The following BRD1 variants were observed in gnomAD, a reference collection of about 807,000 sequenced individuals.
BRD1 encodes the protein bromodomain containing 1, also known as bromodomain-containing protein 1.
Under a neutral mutation model 107.7 loss-of-function variants are expected in BRD1, and 24 were observed. The ratio of observed to expected loss-of-function variants is 0.22; its 90% CI spans 0.16 to 0.31. BRD1 has a LOEUF of 0.31. Among genes scored for constraint, BRD1 ranks in the 10% least tolerant of loss-of-function variants. The pLI is 1.00. For synonymous variants in BRD1, 744 were observed against 686.1 expected, an observed-to-expected ratio of 1.08 and a Z score of -1.32; for missense variants, 1,279 against 1,638.6, an observed-to-expected ratio of 0.78 and a Z score of 3.79.
chr22:49,815,542 CAAAAA>C, intron 2 of BRD1, among the ~76,000 whole-genome samples: 1 of 131,868 alleles, frequency 7.6e-6, no homozygotes, highest in Middle Eastern at 3.7e-3. Context: ...GACTCCATCT[CAAAAA>C]GAAGAAAAAA....
chr22:49,813,061 A>T (rs1489659122), intron 2 of BRD1, among the ~76,000 whole-genome samples: 1 of 152,096 alleles, frequency 6.6e-6, no homozygotes, highest in African/African-American at 2.4e-5. Context: ...GCCTGACCCA[A>T]CCTCACACCA....
intron 8 of BRD1, 80 bp downstream of exon 8, chr22:49,787,310 C>CA (rs1200304763): frequency 1.8e-6 from 2 of 1,138,882 alleles, no homozygotes; most frequent in South Asian, 1.5e-5. Context: ...CCCCCCCCCC[C>CA]CCGTCACACC....
intron 3 of BRD1, 152 bp from the exon 4 acceptor site, chr22:49,799,271 G>A (rs183617839): frequency 0.013 from 12,419 of 975,528 alleles, 268 homozygotes; most frequent in South Asian, 0.064. Flanking sequence ...TCACTAGAGA[G>A]CCCCAGGACA....
rs997813140 is a variant in BRD1 at position 49,792,492 on chromosome 22, C to A, written c.2359+1542G>T. On this transcript the variant is annotated intron_variant, in intron 7 of 12. Coordinates refer to ENST00000404760, the MANE Select transcript of BRD1 (RefSeq NM_001304808.3). The surrounding 1 kb of genome is among the most constrained non-coding windows in gnomAD (Gnocchi z 4.2). ...TATGGCTGCCAGAGGGTCCTGTAGG[C>A]AAACGTTCCTCAGAAAAAACACGAG... Among the ~76,000 whole-genome samples, 1 of 152,212 alleles carries A rather than the reference C, an allele frequency of 6.6e-6. No homozygotes were observed. The highest frequency in any genetic ancestry group is 1.5e-5 in the Non-Finnish European group (1 of 68,034).
intron 2 of BRD1, among the ~76,000 whole-genome samples, chr22:49,819,958 C>T (rs1276789950): frequency 2.0e-5 from 3 of 151,754 alleles, no homozygotes; most frequent in African/African-American, 4.8e-5. Context: ...GGTGAAACCC[C>T]GTCTCTACTA....
rs34755679 is a variant in BRD1, at chr22:49,824,001, C to G, written c.317G>C (p.Ser106Thr). The change falls in exon 2 of 13, where the codon AGC becomes ACC. Residue 106 changes from serine to threonine, a missense_variant. Transcript: ENST00000404760. The surrounding 1 kb of genome is among the most constrained non-coding windows in gnomAD (Gnocchi z 5.9). ...GGCCGAGGCCGGCGTGCCGTGGGCGCTGGGGAGGGCCTCGTTTTTCTTTTT... is the reference window on the plus strand; with the variant it reads ...GGCCGAGGCCGGCGTGCCGTGGGCGGTGGGGAGGGCCTCGTTTTTCTTTTT... Reference protein sequence around the residue: ...RVKKKNEALPSAHGTPASASA... With the variant: ...RVKKKNEALPTAHGTPASASA... 7.3e-4 allele frequency: 1,172 copies of G among 1,613,958 alleles called. 9 individuals carry two copies. In the African/African-American group the frequency reaches 0.014, roughly 20 times the overall value.
At chr22:49,801,384 T>C (rs1357797027) in intron 3 of BRD1, among the ~76,000 whole-genome samples, 2 of 152,160 alleles carry the variant, frequency 1.3e-5, no homozygotes, top group African/African-American at 2.4e-5. Context: ...CCCCGTCCAG[T>C]TCATCCACCT....
chr22:49,773,939 T>C lies in BRD1; in HGVS notation c.*294A>G, dbSNP rs1327130495. The C allele has an allele frequency of 3.7e-6, 1 of 273,088 alleles. No homozygotes were observed. Among genetic ancestry groups the C allele is most frequent in the Non-Finnish European group, 6.8e-6 (1 of 146,634 alleles). 16.9% of individuals were successfully genotyped at this position (273,088 alleles called of 1,614,324 possible). A position where few individuals can be genotyped will look rare whatever the true frequency, so the allele number is the denominator to read the frequency against. On this transcript the variant is annotated 3_prime_UTR_variant, in exon 13 of 13. Coordinates refer to ENST00000404760, the MANE Select transcript of BRD1 (RefSeq NM_001304808.3). The stretch of plus-strand genomic sequence containing the variant: ...GTAAAGAGCATGATTTACAAAATTA[T>C]TAAACATTCAAAAGTCTTTAAGAAA...
intron 8 of BRD1, among the ~76,000 whole-genome samples, chr22:49,786,991 G>C (rs894070043): frequency 7.2e-5 from 11 of 152,006 alleles, no homozygotes; most frequent in African/African-American, 2.7e-4. Context: ...CTACACAAGA[G>C]GCTGAGGCAG....
intron 8 of BRD1, among the ~76,000 whole-genome samples, chr22:49,779,682 G>A (rs746887845): frequency 6.6e-6 from 1 of 152,070 alleles, no homozygotes; most frequent in Non-Finnish European, 1.5e-5. Flanking sequence ...ATCACAGAGT[G>A]GGCTCAGACC....
chr22:49,780,861 C>A (rs952365879), intron 8 of BRD1, among the ~76,000 whole-genome samples: 6 of 152,238 alleles, frequency 3.9e-5, no homozygotes, highest in Non-Finnish European at 7.3e-5. Flanking sequence ...TGGGGCCCAA[C>A]GTGGGGAACC....
intron 1 of BRD1, among the ~76,000 whole-genome samples, chr22:49,825,150 GCCACGTCCTCCTCCTT>G (rs1416263081): frequency 7.9e-5 from 12 of 152,266 alleles, no homozygotes; most frequent in African/African-American, 2.4e-4. Context: ...CATGGTGCTG[GCCACGTCCTCCTCCTT>G]CCACGTCCTC....
At position 49,797,796 on chromosome 22, in the gene BRD1, A is replaced by G; in HGVS notation, c.2098+9T>C. 1 of 1,584,118 alleles carries G rather than the reference A, an allele frequency of 6.3e-7. No homozygotes were observed. Among genetic ancestry groups the G allele is most frequent in the South Asian group, 1.1e-5 (1 of 88,988 alleles). On this transcript the variant is annotated intron_variant, in intron 6 of 12. Transcript: ENST00000404760. ...TTCCACCTCCTCCGGACACGGCGCC[A>G]GTTCTTACCGTCTTCCCAGGAGAAA...
rs765575746 is a variant in BRD1 at position 49,798,636 on chromosome 22, C to T, written c.1707G>A (p.Val569=). 41 of 1,613,520 alleles carry T rather than the reference C, an allele frequency of 2.5e-5. No individual in the cohort carries two copies. In the South Asian group the frequency reaches 4.4e-4, roughly 17 times the overall value. ...GCTGGTCCAGCACTGAGCGCAGCAGCACCGTCAGCGGGGTCAGCCGCAGCT... is the reference window on the plus strand; with the variant it reads ...GCTGGTCCAGCACTGAGCGCAGCAGTACCGTCAGCGGGGTCAGCCGCAGCT... ...AMELRLTPLT[V]LLRSVLDQLQ... Residue 569 remains valine (V), a synonymous_variant, in exon 5 of 13, where the codon GTG becomes GTA. Transcript: ENST00000404760.
rs113823428 is a variant in BRD1 at position 49,803,802 on chromosome 22, C to T, written c.1524+402G>A. Among the ~76,000 whole-genome samples, 131 of 152,278 alleles carry T rather than the reference C, an allele frequency of 8.6e-4. No individual in the cohort carries two copies. Among genetic ancestry groups the T allele is most frequent in the African/African-American group, 3.1e-3 (128 of 41,554 alleles). ...CCCTCCAGGCCCAGCACACAGACCCCCACCCACATGGCCCGGGTGTGCTCA... is the reference window on the plus strand; with the variant it reads ...CCCTCCAGGCCCAGCACACAGACCCTCACCCACATGGCCCGGGTGTGCTCA... On this transcript the variant is annotated intron_variant, in intron 3 of 12. Transcript: ENST00000404760. The surrounding 1 kb of genome is among the most constrained non-coding windows in gnomAD (Gnocchi z 4.4).
chr22:49,818,100 T>C (rs183536222), intron 2 of BRD1: 3 of 567,110 alleles, frequency 5.3e-6, no homozygotes, highest in Admixed American at 5.5e-5. Flanking sequence ...GACCAGTTCA[T>C]CCTTTTAAAC....
At position 49,824,844 on chromosome 22, in the gene BRD1, G is replaced by C. The variant is rs915382511; in HGVS notation, c.-14-513C>G. ...ACTCTTCCCCTCCCCACTACTCCCA[G>C]GAGAGCACTCCCATGAGCCCAGAGT... On this transcript the variant is annotated intron_variant, in intron 1 of 12. Coordinates refer to ENST00000404760, the MANE Select transcript of BRD1 (RefSeq NM_001304808.3). The surrounding 1 kb of genome is among the most constrained non-coding windows in gnomAD (Gnocchi z 5.9). 1 of 1,002,294 alleles carries C rather than the reference G, an allele frequency of 1.0e-6. No individual in the cohort carries two copies. Among genetic ancestry groups the C allele is most frequent in the African/African-American group, 1.7e-5 (1 of 57,744 alleles). 62.1% of individuals were successfully genotyped at this position (1,002,294 alleles called of 1,614,324 possible). A position where few individuals can be genotyped will look rare whatever the true frequency, so the allele number is the denominator to read the frequency against.
At chr22:49,780,296 AGAG>A (rs1180122619) in intron 8 of BRD1, among the ~76,000 whole-genome samples, 1 of 152,258 alleles carries the variant, frequency 6.6e-6, no homozygotes, top group Admixed American at 6.5e-5. Context: ...ATTCTCAGAA[AGAG>A]GAGAATGATA....
intron 2 of BRD1, among the ~76,000 whole-genome samples, chr22:49,807,464 C>T (rs961032372): frequency 6.6e-6 from 1 of 152,154 alleles, no homozygotes; most frequent in Non-Finnish European, 1.5e-5. Flanking sequence ...CGAACCCTCC[C>T]GTATCCAGCA....
Sources: gnomAD v4.1 joint callset for allele counts (sites outside exome capture counted in the v4.1 genomes callset) on GRCh38, gnomAD v4.1.1 for gene constraint, Gnocchi (gnomAD v3.1) non-coding constraint, MANE v1.5 for transcripts, NCBI Gene and HGNC (gene_info 2026-07-23, HGNC 2026-07-21) for gene names.